Variants in FRMPD4 observed in about 807,000 individuals in gnomAD.
The protein encoded by FRMPD4 is FERM and PDZ domain-containing protein 4.
In FRMPD4, 22 loss-of-function variants were observed where a neutral mutation model predicts 94.1. The observed-to-expected ratio is 0.23, with a 90% CI of 0.17 to 0.33. FRMPD4 has a LOEUF of 0.33. Among genes scored for constraint, FRMPD4 ranks in the 10% least tolerant of loss-of-function variants. The pLI is 1.00. For missense variants in FRMPD4, 1,111 were observed against 1,339.9 expected (o/e 0.83, Z 2.67); for synonymous variants, 631 against 548.6 (o/e 1.15, Z -2.10).
chrX:12,440,581 A>G lies in FRMPD4; in HGVS notation c.42-58099A>G, dbSNP rs577096436. On this transcript the variant is annotated intron_variant, in intron 1 of 16. Coordinates refer to ENST00000675598, the MANE Select transcript of FRMPD4 (RefSeq NM_001368397.1). ...ATCTCTCAGTTAGTGATTAAGGGGT[A>G]CTTTCAGCTCTCTCTAGTAATTGGC... Among the ~76,000 whole-genome samples the G allele has an allele frequency of 4.7e-4, 52 of 111,506 alleles. No homozygotes were observed. The South Asian group carries it at 0.019, about 41-fold the overall frequency.
chrX:12,246,862 A>G (rs1316182731), intron 1 of FRMPD4, among the ~76,000 whole-genome samples: 1 of 111,507 alleles, frequency 9.0e-6, no homozygotes, highest in African/African-American at 3.3e-5. Context: ...AGATTCTTAT[A>G]ATTTGAAAAG....
chrX:12,154,141 A>G (rs1359945123), intron 1 of FRMPD4, among the ~76,000 whole-genome samples: 1 of 112,961 alleles, frequency 8.9e-6, no homozygotes, highest in East Asian at 2.7e-4. Flanking sequence ...ATGTAGATAC[A>G]GATTTAGATA....
intron 2 of FRMPD4, among the ~76,000 whole-genome samples, chrX:12,502,831 T>C (rs2057938948): frequency 1.8e-5 from 2 of 112,229 alleles, no homozygotes; most frequent in Admixed American, 9.4e-5. Context: ...AGATATAGAC[T>C]ATAGATGAGT....
chrX:12,465,532 T>C (rs760412301), intron 1 of FRMPD4, among the ~76,000 whole-genome samples: 15 of 111,648 alleles, frequency 1.3e-4, no homozygotes, highest in Non-Finnish European at 1.5e-4. Context: ...TGTCATTCCA[T>C]TGGTTAGAAA....
At chrX:12,471,489 T>C (rs1472692052) in intron 1 of FRMPD4, among the ~76,000 whole-genome samples, 4 of 111,727 alleles carry the variant, frequency 3.6e-5, no homozygotes, top group Non-Finnish European at 7.5e-5. Flanking sequence ...GACTGGATAC[T>C]TGGGACAAAT....
intron 3 of FRMPD4, among the ~76,000 whole-genome samples, chrX:12,066,871 G>T (rs369780893): frequency 3.0e-5 from 3 of 100,073 alleles, no homozygotes; most frequent in Admixed American, 1.1e-4. Context: ...TTTTGTTTTT[G>T]TTTTTGTTTT....
intron 3 of FRMPD4, among the ~76,000 whole-genome samples, chrX:11,891,404 T>C (rs2053872585): frequency 8.9e-6 from 1 of 112,079 alleles, no homozygotes; most frequent in African/African-American, 3.2e-5. Context: ...AAATGAAGAA[T>C]GAGGGACAAG....
At chrX:12,567,955 A>AT (rs915954705) in intron 2 of FRMPD4, among the ~76,000 whole-genome samples, 2 of 111,694 alleles carry the variant, frequency 1.8e-5, no homozygotes, top group African/African-American at 6.5e-5. Context: ...AATTATGTGT[A>AT]TTTTTTAATA....
chrX:12,610,208 G>GA (rs200175430), intron 3 of FRMPD4, among the ~76,000 whole-genome samples: 3,206 of 111,626 alleles, frequency 0.029, 139 homozygotes, highest in African/African-American at 0.098. Flanking sequence ...ATTCCTTAGT[G>GA]AAAAAAAGGA....
chrX:12,620,974 A>G (rs1325659658), intron 4 of FRMPD4, among the ~76,000 whole-genome samples: 1 of 112,207 alleles, frequency 8.9e-6, no homozygotes, highest in Non-Finnish European at 1.9e-5. Flanking sequence ...TAATCCCAGT[A>G]CTTTGGGAGG....
At chrX:12,338,740 A>G (rs1293565375) in intron 1 of FRMPD4, among the ~76,000 whole-genome samples, 1 of 112,513 alleles carries the variant, frequency 8.9e-6, no homozygotes, top group Non-Finnish European at 1.9e-5. Context: ...TACAACAACC[A>G]TCAAGTAGCA....
At chrX:12,076,238 C>T (rs1444978125) in intron 3 of FRMPD4, among the ~76,000 whole-genome samples, 1 of 110,507 alleles carries the variant, frequency 9.0e-6, no homozygotes, top group Non-Finnish European at 1.9e-5. Context: ...TAGAGTAGCG[C>T]CAACTGGTGT....
At chrX:12,470,326 A>G (rs958073242) in intron 1 of FRMPD4, among the ~76,000 whole-genome samples, 2 of 112,151 alleles carry the variant, frequency 1.8e-5, no homozygotes, top group South Asian at 3.7e-4. Flanking sequence ...AACATTCTAC[A>G]TAATGACCAA....
intron 2 of FRMPD4, chrX:12,583,403 G>C: frequency 2.7e-6 from 3 of 1,113,978 alleles, no homozygotes; most frequent in Non-Finnish European, 3.7e-6. Context: ...CGCCAGTACT[G>C]GGCACACTCA....
intron 1 of FRMPD4, among the ~76,000 whole-genome samples, chrX:12,221,165 TA>T (rs926942967): frequency 8.9e-6 from 1 of 112,311 alleles, no homozygotes; most frequent in Non-Finnish European, 1.9e-5. Flanking sequence ...CACTTAAGTT[TA>T]CTTATTAAAC....
At chrX:11,969,507 T>C (rs1023401771) in intron 3 of FRMPD4, among the ~76,000 whole-genome samples, 1 of 112,213 alleles carries the variant, frequency 8.9e-6, no homozygotes, top group Non-Finnish European at 1.9e-5. Flanking sequence ...ATCATATATA[T>C]AAAGATTTCA....
chrX:12,281,590 G>T (rs1245615237), intron 1 of FRMPD4, among the ~76,000 whole-genome samples: 1 of 110,867 alleles, frequency 9.0e-6, no homozygotes, highest in African/African-American at 3.3e-5. Flanking sequence ...ACTCAGGCTG[G>T]TCTCAAACTT....
chrX:12,195,040 G>T (rs141182608), intron 1 of FRMPD4, among the ~76,000 whole-genome samples: 212 of 112,415 alleles, frequency 1.9e-3, no homozygotes, highest in African/African-American at 6.3e-3. Context: ...ACTAGTGTGT[G>T]TGCACGTGTG....
intron 1 of FRMPD4, among the ~76,000 whole-genome samples, chrX:12,158,972 T>C: frequency 1.8e-5 from 2 of 112,238 alleles, no homozygotes; most frequent in Non-Finnish European, 3.8e-5. Context: ...CACGCCTTCT[T>C]GAACAGTCCT....
Sources: gnomAD v4.1 joint callset for allele counts (sites outside exome capture counted in the v4.1 genomes callset) on GRCh38, gnomAD v4.1.1 for gene constraint, MANE v1.5 for transcripts, NCBI Gene and HGNC (gene_info 2026-07-23, HGNC 2026-07-21) for gene names.